The following CNTN6 variants were observed in gnomAD, a reference collection of about 807,000 sequenced individuals.
The protein encoded by CNTN6 is contactin-6.
A neutral mutation model predicts 122.8 loss-of-function variants in CNTN6; 137 were observed. The observed-to-expected ratio is 1.12, with a 90% CI of 0.97 to 1.29. CNTN6 has a LOEUF of 1.29. CNTN6 is among the 50% of genes most tolerant of loss of function. The probability of loss-of-function intolerance (pLI) is 0.00; values close to 1 mark genes in which losing one functional copy is unlikely to be tolerated. For missense variants in CNTN6, 1,634 were observed against 1,223.4 expected (o/e 1.34, Z -5.01); for synonymous variants, 570 against 426.0 (o/e 1.34, Z -4.16).
chr3:1,380,931 C>T (rs1434943155), intron 17 of CNTN6, among the ~76,000 whole-genome samples: 2 of 152,130 alleles, frequency 1.3e-5, no homozygotes, highest in African/African-American at 4.8e-5. Flanking sequence ...ACACTGTCTC[C>T]ACTTAAAGAA....
At chr3:1,099,799 T>C (rs1391550035) in intron 1 of CNTN6, among the ~76,000 whole-genome samples, 1 of 152,180 alleles carries the variant, frequency 6.6e-6, no homozygotes, top group Non-Finnish European at 1.5e-5. Flanking sequence ...AACCAAAGTG[T>C]TTTTTAGTAA....
chr3:1,388,124 A>G (rs1693398817), intron 20 of CNTN6, among the ~76,000 whole-genome samples: 1 of 152,074 alleles, frequency 6.6e-6, no homozygotes, highest in East Asian at 1.9e-4. Context: ...CAGACAAACA[A>G]AAAGACAGCA....
intron 4 of CNTN6, among the ~76,000 whole-genome samples, chr3:1,259,862 C>T (rs1221370667): frequency 1.3e-5 from 2 of 148,970 alleles, no homozygotes; most frequent in East Asian, 1.9e-4. Flanking sequence ...TATATACATA[C>T]ACACACATAC....
intron 7 of CNTN6, among the ~76,000 whole-genome samples, chr3:1,318,971 T>G (rs187624061): frequency 1.3e-5 from 2 of 151,850 alleles, no homozygotes; most frequent in Non-Finnish European, 2.9e-5. Context: ...ATTACTCGTC[T>G]AAGAAAGGTG....
At chr3:1,306,528 T>C (rs916406428) in intron 7 of CNTN6, among the ~76,000 whole-genome samples, 1 of 152,212 alleles carries the variant, frequency 6.6e-6, no homozygotes, top group South Asian at 2.1e-4. Flanking sequence ...GCAAATGGTA[T>C]GCTGAAAAGT....
intron 2 of CNTN6, among the ~76,000 whole-genome samples, chr3:1,201,674 TTTA>T (rs1200919124): frequency 2.6e-5 from 4 of 152,200 alleles, no homozygotes; most frequent in Admixed American, 6.5e-5. Flanking sequence ...AGGAAAAACT[TTTA>T]TTATTGCATT....
rs575256345 is a variant in CNTN6, at chr3:1,268,462, C to T, written c.359-9951C>T. On this transcript the variant is annotated intron_variant, in intron 4 of 22. Transcript: ENST00000446702. ...CTCTACTAAAAATATAAAAAATTAG[C>T]CAGGCGCGGTGGCAGGTGCCTGTAG... is the stretch of plus-strand genomic sequence containing the variant. Among the ~76,000 whole-genome samples the T allele has an allele frequency of 3.2e-4, 49 of 151,848 alleles. No homozygotes were observed. In the South Asian group the frequency reaches 8.2e-3, roughly 25 times the overall value.
At chr3:1,167,678 G>A (rs1161927257) in intron 2 of CNTN6, among the ~76,000 whole-genome samples, 1 of 152,120 alleles carries the variant, frequency 6.6e-6, no homozygotes, top group East Asian at 1.9e-4. Context: ...ATGAGGGAAG[G>A]GTAAGAAGCT....
In CNTN6 at chr3:1,404,004, G is replaced by T. The variant is rs201536672; in HGVS notation, c.*586G>T. The T allele has an allele frequency of 6.6e-6, 1 of 151,918 alleles. No individual in the cohort carries two copies. Among genetic ancestry groups the T allele is most frequent in the East Asian group, 1.9e-4 (1 of 5,178 alleles). 9.4% of individuals were successfully genotyped at this position (151,918 alleles called of 1,614,324 possible). The stretch of plus-strand genomic sequence containing the variant: ...TTTCAGAAGATTCAGTCACAATAAA[G>T]GCAGAAAAAGTATTTTATGGCAAAG... On this transcript the variant is annotated 3_prime_UTR_variant, in exon 23 of 23. Transcript: ENST00000446702.
At chr3:1,147,785 T>C (rs1186611957) in intron 1 of CNTN6, 142 bp from the exon 2 acceptor site, 1 of 367,706 alleles carries the variant, frequency 2.7e-6, no homozygotes, top group Non-Finnish European at 4.9e-6. Context: ...AACAAATGTA[T>C]GTGTAGAAAG....
chr3:1,326,728 C>T (rs562617170), intron 9 of CNTN6, among the ~76,000 whole-genome samples: 2 of 151,988 alleles, frequency 1.3e-5, no homozygotes, highest in East Asian at 3.9e-4. Flanking sequence ...TGTTTGGAAG[C>T]TGAATATAAT....
intron 7 of CNTN6, 200 bp downstream of exon 7, chr3:1,298,191 T>G: frequency 1.9e-6 from 1 of 514,986 alleles, no homozygotes; most frequent in South Asian, 2.6e-5. Context: ...CTGAAAATGA[T>G]CAGGGCTGCA....
At chr3:1,238,738 T>C (rs572570503) in intron 4 of CNTN6, among the ~76,000 whole-genome samples, 5 of 152,250 alleles carry the variant, frequency 3.3e-5, no homozygotes, top group African/African-American at 1.2e-4. Context: ...TTATATCAAG[T>C]ACTCTCTCAG....
intron 9 of CNTN6, among the ~76,000 whole-genome samples, chr3:1,326,883 TATTA>T (rs1701616974): frequency 6.6e-6 from 1 of 151,908 alleles, no homozygotes; most frequent in Non-Finnish European, 1.5e-5. Flanking sequence ...ATATTTGTAC[TATTA>T]ATTATGTCAC....
intron 2 of CNTN6, among the ~76,000 whole-genome samples, chr3:1,211,982 C>T (rs1223821086): frequency 6.6e-6 from 1 of 152,012 alleles, no homozygotes; most frequent in Non-Finnish European, 1.5e-5. Flanking sequence ...TCAGAAATGC[C>T]AGAATGTCAC....
At chr3:1,206,255 T>C (rs2093956905) in intron 2 of CNTN6, among the ~76,000 whole-genome samples, 1 of 152,126 alleles carries the variant, frequency 6.6e-6, no homozygotes, top group South Asian at 2.1e-4. Flanking sequence ...CCTCCTATCA[T>C]CTGTCTCAGC....
At chr3:1,372,554 C>T (rs74675364) in intron 13 of CNTN6, 80 bp downstream of exon 13, 1 of 1,186,076 alleles carries the variant, frequency 8.4e-7, no homozygotes, top group Non-Finnish European at 1.2e-6. Flanking sequence ...TAGTTACTCT[C>T]TCCATCTTTA....
At chr3:1,320,255 G>T (rs1230380554) in intron 7 of CNTN6, among the ~76,000 whole-genome samples, 2 of 151,660 alleles carry the variant, frequency 1.3e-5, no homozygotes, top group African/African-American at 2.4e-5. Flanking sequence ...GAGAATAATT[G>T]AATCAAACAT....
intron 2 of CNTN6, among the ~76,000 whole-genome samples, chr3:1,218,070 T>C (rs887759827): frequency 2.6e-5 from 4 of 152,126 alleles, no homozygotes; most frequent in Non-Finnish European, 5.9e-5. Context: ...CAGTCCAGCC[T>C]GAGGTGCTGG....
Sources: gnomAD v4.1 joint callset for allele counts (sites outside exome capture counted in the v4.1 genomes callset) on GRCh38, gnomAD v4.1.1 for gene constraint, MANE v1.5 for transcripts, NCBI Gene and HGNC (gene_info 2026-07-23, HGNC 2026-07-21) for gene names.